SMAD7: variants seen among roughly 807,000 people sequenced by gnomAD.
SMAD7 encodes SMAD family member 7, also known as MAD (mothers against decapentaplegic, Drosophila) homolog 7.
A neutral mutation model predicts 38.7 loss-of-function variants in SMAD7; 8 were observed. The observed-to-expected ratio is 0.21, with a 90% confidence interval of 0.12 to 0.37. SMAD7 has a LOEUF of 0.37. Among genes scored for constraint, SMAD7 ranks in the 10% least tolerant of loss-of-function variants. The pLI, the probability that SMAD7 is intolerant of heterozygous loss-of-function variation, is 1.00. For synonymous variants in SMAD7, 327 were observed against 265.1 expected (o/e 1.23, Z -2.27); for missense variants, 477 against 577.9 (o/e 0.83, Z 1.79).
chr18:48,943,641 A>G (rs1010030918), intron 2 of SMAD7, among the ~76,000 whole-genome samples: 8 of 152,272 alleles, frequency 5.3e-5, no homozygotes, highest in Non-Finnish European at 1.0e-4. Flanking sequence ...AGCAAACACA[A>G]CAGGTTGGAT....
intron 3 of SMAD7, among the ~76,000 whole-genome samples, chr18:48,938,754 C>T (rs180935498): frequency 9.6e-4 from 146 of 152,300 alleles, no homozygotes; most frequent in Non-Finnish European, 8.8e-4. Flanking sequence ...CTCTGCATTC[C>T]CAGTGATCCC....
At chr18:48,945,475 C>T (rs2070185227) in intron 2 of SMAD7, among the ~76,000 whole-genome samples, 2 of 152,128 alleles carry the variant, frequency 1.3e-5, no homozygotes, top group African/African-American at 2.4e-5. Context: ...AAAAAGAACA[C>T]AGCACTGCAT....
Position 48,921,526 on chromosome 18 carries a change from C to G in SMAD7, c.1127G>C (p.Ser376Thr). The change falls in exon 4 of 4, where the codon AGC (serine) becomes ACC (threonine). Residue 376 changes from serine to threonine, a missense_variant. This residue lies in a region of SMAD7 where 101 missense variants were observed against 198.5 expected (regional missense o/e 0.51). Coordinates refer to ENST00000262158, the MANE Select transcript of SMAD7 (RefSeq NM_005904.4). This position sits in a 1 kb window ranked among gnomAD's most constrained non-coding sequence, Gnocchi z 6.4. ...IKAFDYEKAYSLQRPNDHEFM... is the reference protein window; with the variant it reads ...IKAFDYEKAYTLQRPNDHEFM... Reference sequence around the variant, plus strand: ...CTCGTGGTCATTGGGCCGCTGCAGGCTGTACGCCTTCTCGTAGTCGAAAGC... The same window carrying G: ...CTCGTGGTCATTGGGCCGCTGCAGGGTGTACGCCTTCTCGTAGTCGAAAGC... The G allele has an allele frequency of 6.2e-7, 1 of 1,614,242 alleles. No individual in the cohort carries two copies. Among genetic ancestry groups the G allele is most frequent in the South Asian group, 1.1e-5 (1 of 91,084 alleles).
chr18:48,947,700 G>C (rs1001913327), intron 2 of SMAD7, among the ~76,000 whole-genome samples: 4 of 152,246 alleles, frequency 2.6e-5, no homozygotes, highest in African/African-American at 9.6e-5. Flanking sequence ...CTGCCGGCCA[G>C]AAGTTGAATG....
At chr18:48,922,709 T>C (rs2069876626) in intron 3 of SMAD7, among the ~76,000 whole-genome samples, 1 of 151,968 alleles carries the variant, frequency 6.6e-6, no homozygotes, top group African/African-American at 2.4e-5. Context: ...AGATTATGTG[T>C]CTCAAATAGA....
At chr18:48,946,449 C>T (rs2070196951) in intron 2 of SMAD7, among the ~76,000 whole-genome samples, 2 of 152,054 alleles carry the variant, frequency 1.3e-5, no homozygotes. Context: ...TGTGCTCCAG[C>T]TCCAGACCTG....
chr18:48,945,657 C>T (rs1489971727), intron 2 of SMAD7, among the ~76,000 whole-genome samples: 1 of 152,162 alleles, frequency 6.6e-6, no homozygotes, highest in Admixed American at 6.5e-5. Flanking sequence ...AGTGCCAGAT[C>T]TCAGGTCAAG....
rs372890425 is a variant in SMAD7 at position 48,949,957 on chromosome 18, G to A, written c.468C>T (p.Pro156=). The change falls in exon 1 of 4, where the codon CCC becomes CCT. Residue 156 remains proline, a synonymous_variant. Transcript: ENST00000262158. ...ACCTGAACACTTTGCACAGCAGGAGGGGGAGCGAGTAGGACGAGGGCGGCT... is the reference window on the plus strand; with the variant it reads ...ACCTGAACACTTTGCACAGCAGGAGAGGGAGCGAGTAGGACGAGGGCGGCT... ...PAQPPSSYSL[P]LLLCKVFRWP... 1.8e-5 allele frequency: 29 copies of A among 1,611,274 alleles called. No individual in the cohort carries two copies. In the African/African-American group the frequency reaches 3.3e-4, roughly 19 times the overall value.
chr18:48,925,632 C>T (rs1346281113), intron 3 of SMAD7, among the ~76,000 whole-genome samples: 1 of 152,230 alleles, frequency 6.6e-6, no homozygotes, highest in African/African-American at 2.4e-5. Context: ...CCAGACCCTT[C>T]CAGGAGACCA....
intron 3 of SMAD7, among the ~76,000 whole-genome samples, chr18:48,930,661 C>T (rs577952260): frequency 2.3e-4 from 35 of 152,178 alleles, no homozygotes; most frequent in African/African-American, 8.2e-4. Flanking sequence ...CCCCAGGATT[C>T]GCCCTCAAGC....
Position 48,950,825 on chromosome 18 carries a change from G to C in SMAD7, c.-401C>G, listed in dbSNP as rs1234510439. 6.6e-6 allele frequency: 1 copy of C among 151,522 alleles called. No individual in the cohort carries two copies. Among genetic ancestry groups the C allele is most frequent in the African/African-American group, 2.4e-5 (1 of 41,372 alleles). 9.4% of individuals were successfully genotyped at this position (151,522 alleles called of 1,614,324 possible). ...CCCCGCAGTGGCTCCCGAATGTCGG[G>C]CTCGCCAGCCTCGGCTTCCTACATG... On this transcript the variant is annotated 5_prime_UTR_variant, in exon 1 of 4. Transcript: ENST00000262158.
intron 3 of SMAD7, among the ~76,000 whole-genome samples, chr18:48,925,350 G>C (rs1260604334): frequency 6.6e-6 from 1 of 152,108 alleles, no homozygotes; most frequent in South Asian, 2.1e-4. Flanking sequence ...GCTCACAGTT[G>C]TATCTTTTTA....
At chr18:48,931,866 T>C (rs2070005253) in intron 3 of SMAD7, among the ~76,000 whole-genome samples, 1 of 152,182 alleles carries the variant, frequency 6.6e-6, no homozygotes, top group Non-Finnish European at 1.5e-5. Flanking sequence ...GACATTGTAA[T>C]TCTCTCCCAG....
At chr18:48,936,495 C>A (rs1278675616) in intron 3 of SMAD7, among the ~76,000 whole-genome samples, 3 of 152,214 alleles carry the variant, frequency 2.0e-5, no homozygotes, top group Non-Finnish European at 4.4e-5. Context: ...CTTTTACAAT[C>A]CCATTCATGA....
At position 48,949,848 on chromosome 18, in the gene SMAD7, A is replaced by C; in HGVS notation, c.577T>G (p.Cys193Gly). ...AGTCGGCTAAGGTGATGGGGGTTGC[A>C]GCACACCAGCTCGGGGTTGATCTTC... Reference protein sequence around the residue: ...YGKINPELVCCNPHHLSRLCE... With the variant: ...YGKINPELVCGNPHHLSRLCE... Residue 193 changes from cysteine to glycine, a missense_variant, in exon 1 of 4, where the codon TGC becomes GGC. Coordinates refer to ENST00000262158, the MANE Select transcript of SMAD7 (RefSeq NM_005904.4). The C allele has an allele frequency of 6.2e-7, 1 of 1,612,720 alleles. No homozygotes were observed. Among genetic ancestry groups the C allele is most frequent in the Non-Finnish European group, 8.5e-7 (1 of 1,179,382 alleles).
intron 1 of SMAD7, among the ~76,000 whole-genome samples, chr18:48,948,664 G>A (rs1356028272): frequency 6.6e-6 from 1 of 152,230 alleles, no homozygotes; most frequent in African/African-American, 2.4e-5. Flanking sequence ...GGCCGCAGCC[G>A]CCGCGCTCGG....
chr18:48,944,747 G>A (rs181270162), intron 2 of SMAD7, among the ~76,000 whole-genome samples: 8 of 152,268 alleles, frequency 5.3e-5, no homozygotes, highest in Admixed American at 1.3e-4. Context: ...GAAAAGCTCC[G>A]CATAGACAGA....
At position 48,950,032 on chromosome 18, in the gene SMAD7, G is replaced by A; in HGVS notation, c.393C>T (p.Arg131=). 6.8e-7 allele frequency: 1 copy of A among 1,459,942 alleles called. No individual in the cohort carries two copies. The highest frequency in any genetic ancestry group is 9.0e-7 in the Non-Finnish European group (1 of 1,109,330). The allele number at this position is 1,459,942 out of a possible 1,614,324, so 90.4% of individuals were successfully genotyped here. The part of the protein sequence containing the change: ...TRTACLLLPG[R]LDCRLGPGAP... ...CCCCCGGGCCCAGCCTGCAGTCCAG[G>A]CGGCCGGGCAGCAGGAGGCACGCGG... The change falls in exon 1 of 4, where the codon CGC becomes CGT. Residue 131 remains arginine (R), a synonymous_variant. Coordinates refer to ENST00000262158, the MANE Select transcript of SMAD7 (RefSeq NM_005904.4).
chr18:48,927,454 T>C (rs565013753), intron 3 of SMAD7, among the ~76,000 whole-genome samples: 1 of 152,236 alleles, frequency 6.6e-6, no homozygotes, highest in South Asian at 2.1e-4. Context: ...TTCCACCCCT[T>C]AGCGCATTCT....
Sources: allele counts gnomAD v4.1 joint callset (sites outside exome capture counted in the v4.1 genomes callset), GRCh38; gene constraint gnomAD v4.1.1; regional missense constraint gnomAD v4.1.1; non-coding constraint Gnocchi (gnomAD v3.1); transcripts MANE v1.5; gene names NCBI Gene and HGNC (gene_info 2026-07-23, HGNC 2026-07-21).